Variants in PTPRO observed in about 807,000 individuals in gnomAD.
PTPRO encodes protein tyrosine phosphatase receptor type O, also known as receptor-type tyrosine-protein phosphatase O.
A neutral mutation model predicts 145.2 loss-of-function variants in PTPRO; 62 were observed. That is an observed-to-expected ratio of 0.43 (90% CI 0.35 to 0.53). The LOEUF (loss-of-function observed/expected upper bound fraction) is 0.53. PTPRO is among the 20% of genes least tolerant of loss of function. PTPRO has a pLI of 0.01. For synonymous variants in PTPRO, 565 were observed against 514.7 expected, an observed-to-expected ratio of 1.10 and a Z score of -1.32; for missense variants, 1,345 against 1,482.7, an observed-to-expected ratio of 0.91 and a Z score of 1.53.
intron 1 of PTPRO, among the ~76,000 whole-genome samples, chr12:15,466,040 T>C (rs1941407552): frequency 6.6e-6 from 1 of 152,174 alleles, no homozygotes; most frequent in African/African-American, 2.4e-5. Context: ...AAAAGTATGG[T>C]TGAAAGAAGT....
intron 9 of PTPRO, 193 bp downstream of exon 9, chr12:15,517,149 G>A: frequency 1.5e-6 from 1 of 656,398 alleles, no homozygotes; most frequent in Non-Finnish European, 2.6e-6. Context: ...AAGTTTAATT[G>A]GACTTACAGT....
chr12:15,546,488 A>T (rs1015637919), intron 12 of PTPRO, 81 bp from the exon 13 acceptor site: 4 of 1,541,996 alleles, frequency 2.6e-6, no homozygotes, highest in Non-Finnish European at 3.5e-6. Context: ...GAATTGGGGG[A>T]TGCTTCACCT....
At chr12:15,539,293 T>A (rs946391070) in intron 12 of PTPRO, among the ~76,000 whole-genome samples, 2 of 152,124 alleles carry the variant, frequency 1.3e-5, no homozygotes, top group Admixed American at 6.5e-5. Flanking sequence ...TACACTAGTA[T>A]CCCATAAACA....
chr12:15,379,244 G>T (rs1012106671), intron 1 of PTPRO, among the ~76,000 whole-genome samples: 1 of 151,726 alleles, frequency 6.6e-6, no homozygotes, highest in South Asian at 2.1e-4. Context: ...AGAGGACCAG[G>T]TGCGCTGGCT....
chr12:15,399,885 T>C (rs1939441333), intron 1 of PTPRO, among the ~76,000 whole-genome samples: 1 of 151,096 alleles, frequency 6.6e-6, no homozygotes, highest in Non-Finnish European at 1.5e-5. Context: ...ACCTCATCTC[T>C]ACTAAAAATA....
At chr12:15,579,343 G>T (rs980325261) in intron 20 of PTPRO, among the ~76,000 whole-genome samples, 1 of 152,160 alleles carries the variant, frequency 6.6e-6, no homozygotes, top group African/African-American at 2.4e-5. Flanking sequence ...TTATATAGTT[G>T]CTTAGCATTT....
rs114068420 is a variant in PTPRO, at chr12:15,490,884, G to A, written c.350-6361G>A. Among the ~76,000 whole-genome samples the A allele has an allele frequency of 8.8e-3, 1,336 of 152,246 alleles. 19 individuals carry two copies. Among genetic ancestry groups the A allele is most frequent in the African/African-American group, 0.031 (1,268 of 41,550 alleles). ...GACTAAAGTGAGAATATCAAGTACC[G>A]TACAGACATTGAAATTTTGAGCAGA... On this transcript the variant is annotated intron_variant, in intron 2 of 26. Coordinates refer to ENST00000281171, the MANE Select transcript of PTPRO (RefSeq NM_030667.3).
intron 1 of PTPRO, among the ~76,000 whole-genome samples, chr12:15,361,348 A>G (rs1428122852): frequency 6.7e-6 from 1 of 149,584 alleles, no homozygotes; most frequent in Non-Finnish European, 1.5e-5. Flanking sequence ...CTGAGACAGG[A>G]GAATCGCTTG....
chr12:15,336,397 T>G (rs1866763202), intron 1 of PTPRO, among the ~76,000 whole-genome samples: 1 of 152,332 alleles, frequency 6.6e-6, no homozygotes, highest in Non-Finnish European at 1.5e-5. Context: ...ATTTGCATTG[T>G]TAAAGACGTA....
intron 1 of PTPRO, among the ~76,000 whole-genome samples, chr12:15,396,293 TGC>T: frequency 6.6e-6 from 1 of 152,324 alleles, no homozygotes; most frequent in East Asian, 1.9e-4. Context: ...TAGTGACAAG[TGC>T]TGAACTCAAT....
chr12:15,439,162 A>G (rs551184352), intron 1 of PTPRO, among the ~76,000 whole-genome samples: 80 of 152,334 alleles, frequency 5.3e-4, no homozygotes, highest in African/African-American at 1.9e-3. Context: ...CAAGAATTCT[A>G]TATCTCAACA....
chr12:15,581,530 C>A, intron 22 of PTPRO, 149 bp from the exon 23 acceptor site: 1 of 892,124 alleles, frequency 1.1e-6, no homozygotes. Flanking sequence ...ATTCACACTA[C>A]GTAGCAGAAA....
intron 1 of PTPRO, among the ~76,000 whole-genome samples, chr12:15,368,924 C>T (rs58067285): frequency 0.17 from 25,398 of 152,116 alleles, 5,043 homozygotes; most frequent in African/African-American, 0.48. Context: ...ATAGAGATAA[C>T]AACTTCTCAT....
intron 12 of PTPRO, among the ~76,000 whole-genome samples, chr12:15,537,670 TG>T (rs1943092938): frequency 6.6e-6 from 1 of 152,228 alleles, no homozygotes; most frequent in Non-Finnish European, 1.5e-5. Flanking sequence ...GGTAGTTTTT[TG>T]TTTTTATTTT....
chr12:15,548,528 A>G (rs75661761), intron 13 of PTPRO, among the ~76,000 whole-genome samples: 78 of 149,336 alleles, frequency 5.2e-4, no homozygotes, highest in Middle Eastern at 3.4e-3. Flanking sequence ...GTGTATATAT[A>G]TGTGTGTGTG....
At chr12:15,528,183 A>C (rs180975580) in intron 12 of PTPRO, among the ~76,000 whole-genome samples, 1 of 151,982 alleles carries the variant, frequency 6.6e-6, no homozygotes, top group African/African-American at 2.4e-5. Context: ...AGAAAAAAGA[A>C]AAATAAGACT....
At chr12:15,536,675 T>C (rs532736171) in intron 12 of PTPRO, among the ~76,000 whole-genome samples, 11 of 152,304 alleles carry the variant, frequency 7.2e-5, no homozygotes, top group African/African-American at 2.6e-4. Flanking sequence ...AGGGCAAGGA[T>C]AAGAGCAGGA....
intron 1 of PTPRO, among the ~76,000 whole-genome samples, chr12:15,387,615 T>C (rs1483394585): frequency 6.6e-6 from 1 of 152,140 alleles, no homozygotes; most frequent in South Asian, 2.1e-4. Flanking sequence ...TCTCTACTTG[T>C]CTCTCCCACT....
At chr12:15,392,435 C>T (rs528183000) in intron 1 of PTPRO, among the ~76,000 whole-genome samples, 33 of 152,110 alleles carry the variant, frequency 2.2e-4, no homozygotes, top group Non-Finnish European at 8.8e-5. Context: ...AGAAGGGGAG[C>T]CCAGGCCAGG....
Sources: gnomAD v4.1 joint callset for allele counts (sites outside exome capture counted in the v4.1 genomes callset) on GRCh38, gnomAD v4.1.1 for gene constraint, MANE v1.5 for transcripts, NCBI Gene and HGNC (gene_info 2026-07-23, HGNC 2026-07-21) for gene names.